GABBR2: variants seen among roughly 807,000 people sequenced by gnomAD.
GABBR2 encodes the protein gamma-aminobutyric acid type B receptor subunit 2.
GABBR2 carries 23 observed loss-of-function variants against 105.6 expected under a neutral mutation model. The ratio of observed to expected loss-of-function variants is 0.22; its 90% CI spans 0.16 to 0.31. GABBR2 has a LOEUF of 0.31. Among genes scored for constraint, GABBR2 ranks in the 10% least tolerant of loss-of-function variants. The pLI, the probability that GABBR2 is intolerant of heterozygous loss-of-function variation, is 1.00. For synonymous variants in GABBR2, 478 were observed against 499.7 expected, an observed-to-expected ratio of 0.96 and a Z score of 0.58; for missense variants, 734 against 1,245.5, an observed-to-expected ratio of 0.59 and a Z score of 6.18.
chr9:98,618,470 A>G (rs1428229287), intron 1 of GABBR2, among the ~76,000 whole-genome samples: 1 of 150,480 alleles, frequency 6.6e-6, no homozygotes, highest in East Asian at 2.0e-4. Flanking sequence ...GCAAAGGAAA[A>G]AAAAAGGTCT....
In GABBR2 at chr9:98,512,816, A is replaced by G. The variant is rs534904391; in HGVS notation, c.631-16302T>C. Reference sequence around the variant, plus strand: ...GGGTAGGAAGAATCAATATCGTGCAAATGGCCACACTGCCCAAGGTAATTT... The same window carrying G: ...GGGTAGGAAGAATCAATATCGTGCAGATGGCCACACTGCCCAAGGTAATTT... On this transcript the variant is annotated intron_variant, in intron 3 of 18. Transcript: ENST00000259455. 2.6e-5 allele frequency among the ~76,000 whole-genome samples: 4 copies of G among 152,330 alleles called. No individual in the cohort carries two copies. In the East Asian group the frequency reaches 7.7e-4, roughly 29 times the overall value.
At chr9:98,292,987 C>G (rs922257975) in intron 18 of GABBR2, among the ~76,000 whole-genome samples, 1 of 152,216 alleles carries the variant, frequency 6.6e-6, no homozygotes, top group African/African-American at 2.4e-5. Context: ...GCTGGCCAGG[C>G]CTTGGAGCTA....
intron 9 of GABBR2, among the ~76,000 whole-genome samples, chr9:98,391,342 G>A (rs1408902082): frequency 6.6e-6 from 1 of 152,192 alleles, no homozygotes; most frequent in Non-Finnish European, 1.5e-5. Flanking sequence ...ATTTGACAGA[G>A]GGGACAATGG....
At chr9:98,335,776 C>T (rs907709807) in intron 13 of GABBR2, among the ~76,000 whole-genome samples, 4 of 152,216 alleles carry the variant, frequency 2.6e-5, no homozygotes, top group Admixed American at 6.5e-5. Context: ...AGCTACTGAG[C>T]AACCACATTA....
At position 98,577,917 on chromosome 9, in the gene GABBR2, A is replaced by C. The variant is rs371370334; in HGVS notation, c.459+18T>G. 6.4e-5 allele frequency: 101 copies of C among 1,590,156 alleles called. No individual in the cohort carries two copies. Among genetic ancestry groups the C allele is most frequent in the Non-Finnish European group, 8.4e-5 (98 of 1,168,310 alleles). ...ACCAAAGACACCTCCCCACAAAAGA[A>C]GGTAGCTCAGACCTTACCTGCACCA... On this transcript the variant is annotated intron_variant, in intron 2 of 18. Transcript: ENST00000259455.
intron 2 of GABBR2, among the ~76,000 whole-genome samples, chr9:98,566,404 A>C (rs1195078276): frequency 6.6e-6 from 1 of 152,182 alleles, no homozygotes; most frequent in East Asian, 1.9e-4. Flanking sequence ...GGCTGGGTGC[A>C]GTGGCCCACA....
intron 1 of GABBR2, among the ~76,000 whole-genome samples, chr9:98,692,240 C>T (rs143251150): frequency 1.2e-4 from 19 of 152,176 alleles, no homozygotes; most frequent in South Asian, 2.1e-4. Context: ...TGGCCCAGGG[C>T]GTGGCAGGAG....
At chr9:98,391,974 G>A (rs1278346804) in intron 9 of GABBR2, among the ~76,000 whole-genome samples, 15 of 152,174 alleles carry the variant, frequency 9.9e-5, no homozygotes, top group Admixed American at 9.8e-4. Context: ...CGAGTGAGCG[G>A]GGCTGAGAGC....
intron 8 of GABBR2, among the ~76,000 whole-genome samples, chr9:98,396,341 G>A (rs1832290261): frequency 6.6e-6 from 1 of 152,230 alleles, no homozygotes; most frequent in African/African-American, 2.4e-5. Flanking sequence ...AGTGCCTCCT[G>A]GGGCTCTAGC....
intron 7 of GABBR2, among the ~76,000 whole-genome samples, chr9:98,427,347 C>T (rs969844893): frequency 2.0e-5 from 3 of 152,236 alleles, no homozygotes; most frequent in East Asian, 1.9e-4. Context: ...GGTCAACTTA[C>T]GTGAACTGCT....
Position 98,647,596 on chromosome 9 carries a change from C to T in GABBR2, c.321+60821G>A, listed in dbSNP as rs945786902. 2.0e-4 allele frequency among the ~76,000 whole-genome samples: 31 copies of T among 152,288 alleles called. 1 individual carries two copies. The highest frequency in any genetic ancestry group is 6.5e-4 in the African/African-American group (27 of 41,562). On this transcript the variant is annotated intron_variant, in intron 1 of 18. Transcript: ENST00000259455. ...CAAACCTGGCCCCGAGCCTGGCACCCGACGGGTTGTGCCCTATCCCCCTGG... is the reference window on the plus strand; with the variant it reads ...CAAACCTGGCCCCGAGCCTGGCACCTGACGGGTTGTGCCCTATCCCCCTGG...
chr9:98,570,266 G>A (rs1431548686), intron 2 of GABBR2, among the ~76,000 whole-genome samples: 1 of 152,224 alleles, frequency 6.6e-6, no homozygotes, highest in Non-Finnish European at 1.5e-5. Flanking sequence ...CTGTCGAGGG[G>A]CGGCTGGGGA....
intron 13 of GABBR2, among the ~76,000 whole-genome samples, chr9:98,323,111 G>A (rs1390407861): frequency 6.6e-6 from 1 of 152,178 alleles, no homozygotes; most frequent in Non-Finnish European, 1.5e-5. Context: ...ACACAGGAGT[G>A]AAGGGGAGTG....
At chr9:98,618,507 TCTCTCTCTC>T (rs1829621578) in intron 1 of GABBR2, among the ~76,000 whole-genome samples, 1 of 151,684 alleles carries the variant, frequency 6.6e-6, no homozygotes, top group Non-Finnish European at 1.5e-5. Context: ...TCTCTCTCTC[TCTCTCTCTC>T]TCTCTGTCTC....
At chr9:98,490,883 C>G (rs749348486) in intron 4 of GABBR2, among the ~76,000 whole-genome samples, 2 of 152,120 alleles carry the variant, frequency 1.3e-5, no homozygotes, top group African/African-American at 2.4e-5. Context: ...TAAAGGGCCT[C>G]GCGACTTCAT....
intron 8 of GABBR2, among the ~76,000 whole-genome samples, chr9:98,401,787 A>C (rs1307499146): frequency 2.0e-5 from 3 of 152,184 alleles, no homozygotes; most frequent in Non-Finnish European, 4.4e-5. Flanking sequence ...CTGGGAAATA[A>C]TCTTCCTGCT....
chr9:98,481,225 C>T (rs1826916442), intron 4 of GABBR2, among the ~76,000 whole-genome samples: 1 of 152,216 alleles, frequency 6.6e-6, no homozygotes, highest in Non-Finnish European at 1.5e-5. Context: ...ACCCTGGTCT[C>T]ATGGGCAAGC....
intron 13 of GABBR2, among the ~76,000 whole-genome samples, chr9:98,330,761 T>A (rs1162213137): frequency 6.6e-6 from 1 of 152,222 alleles, no homozygotes; most frequent in African/African-American, 2.4e-5. Flanking sequence ...AAGATTCACA[T>A]AGCACAAAAT....
At chr9:98,426,008 A>G (rs1588154289) in intron 7 of GABBR2, among the ~76,000 whole-genome samples, 2 of 152,218 alleles carry the variant, frequency 1.3e-5, no homozygotes, top group South Asian at 4.1e-4. Flanking sequence ...AGATAGTTGT[A>G]AGTGAATGGA....
Sources: gnomAD v4.1 joint callset for allele counts (sites outside exome capture counted in the v4.1 genomes callset) on GRCh38, gnomAD v4.1.1 for gene constraint, MANE v1.5 for transcripts, NCBI Gene and HGNC (gene_info 2026-07-23, HGNC 2026-07-21) for gene names.